RPS24: variants seen among roughly 807,000 people sequenced by gnomAD.
RPS24 encodes ribosomal protein S24.
For synonymous variants in RPS24, 72 were observed against 55.6 expected (o/e 1.30, Z -1.31); for missense variants, 100 against 162.5 (o/e 0.62, Z 2.09).
At chr10:78,034,178 G>A (rs1383283447) in intron 1 of RPS24, 4 of 567,608 alleles carry the variant, frequency 7.0e-6, no homozygotes, top group South Asian at 2.1e-5. Context: ...ACGGTGGATG[G>A]GGGTAGGGGG....
At chr10:78,045,391 G>T (rs1848033060), downstream of RPS24, among the ~76,000 whole-genome samples, 3 of 152,196 alleles carry the variant, frequency 2.0e-5, no homozygotes, top group Non-Finnish European at 4.4e-5. Context: ...ATGGGCAAAA[G>T]ACTTCCCTTT....
chr10:78,036,167 C>A (rs1037350871), intron 3 of RPS24: 57 of 213,658 alleles, frequency 2.7e-4, no homozygotes, highest in African/African-American at 1.3e-3. Context: ...AGCTTACATT[C>A]TAGTAAACAA....
At chr10:78,056,758 T>A (rs1398840774) in exon 5 of RPS24, 3 of 152,250 alleles carry the variant, frequency 2.0e-5, no homozygotes, top group Non-Finnish European at 4.4e-5. Flanking sequence ...CTGAAGTATC[T>A]ATACCCCTGG....
chr10:78,050,382 G>A (rs967804550), intron 4 of RPS24, among the ~76,000 whole-genome samples: 2 of 152,286 alleles, frequency 1.3e-5, no homozygotes, highest in African/African-American at 4.8e-5. Context: ...GAAGGTTTGA[G>A]GGCAGGAGGG....
chr10:78,052,836 G>T (rs959305687), intron 4 of RPS24, among the ~76,000 whole-genome samples: 4 of 152,102 alleles, frequency 2.6e-5, no homozygotes, highest in South Asian at 2.1e-4. Context: ...AATGGTTTGG[G>T]CTGGATAGCA....
At chr10:78,034,700 G>A (rs1013316236) in intron 1 of RPS24, among the ~76,000 whole-genome samples, 1 of 152,226 alleles carries the variant, frequency 6.6e-6, no homozygotes, top group Non-Finnish European at 1.5e-5. Context: ...TAAAGGTGCA[G>A]TTCAGTCCTT....
At chr10:78,044,014 T>C (rs903023313), downstream of RPS24, among the ~76,000 whole-genome samples, 1 of 152,156 alleles carries the variant, frequency 6.6e-6, no homozygotes, top group Non-Finnish European at 1.5e-5. Context: ...TGAATACATG[T>C]ACGTATTCAG....
intron 5 of RPS24, 35 bp downstream of exon 5, chr10:78,040,260 C>T (rs996328102): frequency 1.3e-6 from 2 of 1,563,932 alleles, no homozygotes; most frequent in East Asian, 2.2e-5. Context: ...TCATGTAGAT[C>T]ACTAGACTCC....
chr10:78,054,751 A>G, exon 5 of RPS24: 1 of 1,551,702 alleles, frequency 6.4e-7, no homozygotes, highest in Non-Finnish European at 8.7e-7. Context: ...AACAGAGAAC[A>G]GTGCTGCCAG....
intron 4 of RPS24, 47 bp downstream of exon 4, chr10:78,037,351 T>A: frequency 1.9e-6 from 3 of 1,550,306 alleles, no homozygotes; most frequent in Non-Finnish European, 2.6e-6. Flanking sequence ...ATTGTAGGTC[T>A]TTAGTTTCTA....
chr10:78,037,648 G>T (rs967626783), intron 4 of RPS24: 3 of 328,008 alleles, frequency 9.1e-6, no homozygotes, highest in Non-Finnish European at 1.7e-5. Flanking sequence ...CCCATTCCCT[G>T]TGATTTTACT....
At chr10:78,053,161 C>G (rs1319012927) in intron 4 of RPS24, among the ~76,000 whole-genome samples, 1 of 132,318 alleles carries the variant, frequency 7.6e-6, no homozygotes, top group Non-Finnish European at 1.6e-5. Context: ...CTCAAAAAAA[C>G]AAACAAAAAC....
At chr10:78,050,430 T>A (rs2131992830) in intron 4 of RPS24, among the ~76,000 whole-genome samples, 1 of 152,358 alleles carries the variant, frequency 6.6e-6, no homozygotes, top group African/African-American at 2.4e-5. Flanking sequence ...CTCCCACCGC[T>A]GAGACATCTG....
chr10:78,037,462 A>G (rs1378486642), intron 4 of RPS24, 158 bp downstream of exon 4: 2 of 1,264,240 alleles, frequency 1.6e-6, no homozygotes, highest in South Asian at 1.6e-5. Flanking sequence ...TTAAGAAACT[A>G]TGTAGCATAG....
intron 4 of RPS24, among the ~76,000 whole-genome samples, chr10:78,047,036 C>A (rs1361412513): frequency 6.6e-6 from 1 of 151,922 alleles, no homozygotes; most frequent in Non-Finnish European, 1.5e-5. Context: ...TCTTGCTTCA[C>A]TGCAACCTCC....
chr10:78,040,085 TTTA>T lies in RPS24; in HGVS notation c.391-118_391-116del, dbSNP rs1847960428. ...AATTGCAAAGAACAAAATGGTCATC[TTTA>T]AGGTACCTGATTGCATGCACTTAAA... On this transcript the variant is annotated intron_variant, in intron 4 of 5. Coordinates refer to ENST00000372360, the MANE Select transcript of RPS24 (RefSeq NM_033022.4). 3.3e-6 allele frequency: 3 copies of T among 919,040 alleles called. No individual in the cohort carries two copies. The East Asian group carries it at 7.4e-5, about 23-fold the overall frequency. 56.9% of individuals were successfully genotyped at this position (919,040 alleles called of 1,614,324 possible).
chr10:78,037,524 C>T, intron 4 of RPS24: 1 of 632,668 alleles, frequency 1.6e-6, no homozygotes, highest in Non-Finnish European at 2.5e-6. Context: ...CAGCTCACAG[C>T]ACAATCTGGA....
chr10:78,043,317 A>G (rs1308193354), downstream of RPS24, among the ~76,000 whole-genome samples: 1 of 152,046 alleles, frequency 6.6e-6, no homozygotes, highest in Non-Finnish European at 1.5e-5. Flanking sequence ...CTGCATGTTA[A>G]CTCCAAGAAG....
chr10:78,040,803 G>A (rs1327649087), downstream of RPS24: 3 of 818,334 alleles, frequency 3.7e-6, no homozygotes, highest in Non-Finnish European at 4.0e-6. Flanking sequence ...GAAGCATTCA[G>A]TGAAAACTTA....
Sources: gnomAD v4.1 joint callset for allele counts (sites outside exome capture counted in the v4.1 genomes callset) on GRCh38, gnomAD v4.1.1 for gene constraint, MANE v1.5 for transcripts, NCBI Gene and HGNC (gene_info 2026-07-23, HGNC 2026-07-21) for gene names.